PLEKHA5: variants seen among roughly 807,000 people sequenced by gnomAD.
PLEKHA5 encodes pleckstrin homology domain-containing family A member 5.
In PLEKHA5, 55 loss-of-function variants were observed where a neutral mutation model predicts 181.9. The observed-to-expected ratio is 0.30, with a 90% CI of 0.24 to 0.38. PLEKHA5 has a LOEUF of 0.38. PLEKHA5 is among the 10% of genes least tolerant of loss of function. PLEKHA5 has a pLI of 1.00. For missense variants in PLEKHA5, 1,432 were observed against 1,549.5 expected (o/e 0.92, Z 1.27); for synonymous variants, 535 against 529.4 (o/e 1.01, Z -0.15).
intron 15 of PLEKHA5, among the ~76,000 whole-genome samples, chr12:19,299,058 C>CA (rs1193208261): frequency 2.0e-5 from 3 of 152,244 alleles, no homozygotes; most frequent in Non-Finnish European, 4.4e-5. Flanking sequence ...TAAGGTATGA[C>CA]AAGCCTCCTT....
At chr12:19,254,239 C>T (rs189658961) in intron 4 of PLEKHA5, among the ~76,000 whole-genome samples, 8 of 152,152 alleles carry the variant, frequency 5.3e-5, no homozygotes, top group Admixed American at 2.6e-4. Flanking sequence ...TATAGTACTT[C>T]AAACGCAGTA....
intron 17 of PLEKHA5, 102 bp downstream of exon 17, chr12:19,320,158 A>G (rs1811909567): frequency 8.8e-6 from 4 of 454,312 alleles, no homozygotes; most frequent in Non-Finnish European, 1.5e-5. Context: ...GTGTTTATGT[A>G]TATACCGTGA....
intron 17 of PLEKHA5, 51 bp downstream of exon 17, chr12:19,320,107 G>A: frequency 1.5e-6 from 1 of 674,912 alleles, no homozygotes. Flanking sequence ...TATAGGTTTT[G>A]TTAAGATGTG....
At chr12:19,288,854 C>T (rs1344797114) in intron 13 of PLEKHA5, among the ~76,000 whole-genome samples, 1 of 152,106 alleles carries the variant, frequency 6.6e-6, no homozygotes, top group Non-Finnish European at 1.5e-5. Flanking sequence ...ATTTATTTAC[C>T]ACCACCTACT....
intron 12 of PLEKHA5, among the ~76,000 whole-genome samples, chr12:19,286,084 A>G (rs531379294): frequency 1.1e-3 from 161 of 152,356 alleles, no homozygotes; most frequent in African/African-American, 3.7e-3. Flanking sequence ...CAAAAAATAG[A>G]ATTTTGAAAA....
chr12:19,265,934 A>G (rs1181589855), intron 8 of PLEKHA5, 84 bp downstream of exon 8: 2 of 675,842 alleles, frequency 3.0e-6, no homozygotes, highest in Non-Finnish European at 5.2e-6. Context: ...TATTACAAAA[A>G]AGCTACCTTA....
At chr12:19,203,070 G>A (rs545070074) in intron 3 of PLEKHA5, among the ~76,000 whole-genome samples, 1 of 152,078 alleles carries the variant, frequency 6.6e-6, no homozygotes, top group South Asian at 2.1e-4. Flanking sequence ...TAAAAAAGAA[G>A]GCCTCAAGTT....
intron 2 of PLEKHA5, among the ~76,000 whole-genome samples, chr12:19,131,289 A>G (rs2033743039): frequency 1.3e-5 from 2 of 152,166 alleles, no homozygotes; most frequent in South Asian, 4.1e-4. Flanking sequence ...CTCTCTGTGA[A>G]ATGCTGGAGT....
At chr12:19,277,286 C>G (rs1159737224) in intron 11 of PLEKHA5, among the ~76,000 whole-genome samples, 2 of 152,150 alleles carry the variant, frequency 1.3e-5, no homozygotes, top group African/African-American at 2.4e-5. Context: ...AGAAGAATCA[C>G]TTTTCCCCGA....
chr12:19,263,466 G>A (rs2069218726), intron 7 of PLEKHA5, among the ~76,000 whole-genome samples: 2 of 152,168 alleles, frequency 1.3e-5, no homozygotes, highest in Admixed American at 1.3e-4. Flanking sequence ...AATGCTGAGG[G>A]CAGTGGCCCC....
intron 30 of PLEKHA5, among the ~76,000 whole-genome samples, chr12:19,367,882 G>T (rs963815430): frequency 6.6e-6 from 1 of 151,392 alleles, no homozygotes; most frequent in Non-Finnish European, 1.5e-5. Context: ...CACTGCGCCC[G>T]GCCCAGCTTT....
chr12:19,265,524 T>A (rs2070051428), intron 7 of PLEKHA5, among the ~76,000 whole-genome samples: 1 of 152,222 alleles, frequency 6.6e-6, no homozygotes, highest in Non-Finnish European at 1.5e-5. Flanking sequence ...AGTATGTTTT[T>A]CAGTGAATGA....
chr12:19,369,994 A>G (rs1183060142), intron 31 of PLEKHA5, among the ~76,000 whole-genome samples, 196 bp downstream of exon 31: 1 of 152,248 alleles, frequency 6.6e-6, no homozygotes, highest in Non-Finnish European at 1.5e-5. Flanking sequence ...TTGCTGTGTG[A>G]CAGCATTTTC....
At chr12:19,285,874 A>G in intron 12 of PLEKHA5, among the ~76,000 whole-genome samples, 1 of 152,222 alleles carries the variant, frequency 6.6e-6, no homozygotes, top group East Asian at 1.9e-4. Context: ...CCGTTGTCTC[A>G]CAGTAAAACA....
intron 16 of PLEKHA5, chr12:19,319,606 A>T (rs1423376650): frequency 5.8e-6 from 1 of 172,208 alleles, no homozygotes; most frequent in Non-Finnish European, 1.2e-5. Flanking sequence ...TGTGCCATTT[A>T]GTAAACATGC....
At chr12:19,201,171 A>C (rs2054089253) in intron 3 of PLEKHA5, 2 of 152,210 alleles carry the variant, frequency 1.3e-5, no homozygotes, top group South Asian at 2.1e-4. Flanking sequence ...CAAACAGCTC[A>C]ATTTTTTAAA....
At chr12:19,228,736 A>T (rs2060026798) in intron 3 of PLEKHA5, among the ~76,000 whole-genome samples, 1 of 152,054 alleles carries the variant, frequency 6.6e-6, no homozygotes, top group African/African-American at 2.4e-5. Context: ...TATCTATTCC[A>T]CTTACCCACC....
chr12:19,281,577 C>CA (rs200506544), intron 11 of PLEKHA5, among the ~76,000 whole-genome samples: 1,455 of 137,858 alleles, frequency 0.011, 24 homozygotes, highest in African/African-American at 0.034. Flanking sequence ...ACACTATCTC[C>CA]AAAAAAAAAA....
At chr12:19,255,234 G>T in intron 5 of PLEKHA5, 69 bp downstream of exon 5, 1 of 908,246 alleles carries the variant, frequency 1.1e-6, no homozygotes, top group South Asian at 3.4e-5. Flanking sequence ...ACTCATAATG[G>T]ACTTAAAAGT....
Sources: gnomAD v4.1 joint callset for allele counts (sites outside exome capture counted in the v4.1 genomes callset) on GRCh38, gnomAD v4.1.1 for gene constraint, MANE v1.5 for transcripts, NCBI Gene and HGNC (gene_info 2026-07-23, HGNC 2026-07-21) for gene names.